Variants in GFRA3 observed in about 807,000 individuals in gnomAD.
The protein encoded by GFRA3 is GDNF family receptor alpha 3.
In GFRA3, 24 loss-of-function variants were observed where a neutral mutation model predicts 40.0. The ratio of observed to expected loss-of-function variants is 0.60; its 90% CI spans 0.43 to 0.84. The LOEUF (loss-of-function observed/expected upper bound fraction) is 0.84, where lower values mean the gene tolerates loss of function less well. GFRA3 is among the 40% of genes least tolerant of loss of function. GFRA3 has a pLI of 0.00. For missense variants in GFRA3, 405 were observed against 530.6 expected, an observed-to-expected ratio of 0.76 and a Z score of 2.33; for synonymous variants, 203 against 213.5, an observed-to-expected ratio of 0.95 and a Z score of 0.43.
chr5:138,255,862 T>C (rs967945610), intron 4 of GFRA3, among the ~76,000 whole-genome samples: 1 of 147,430 alleles, frequency 6.8e-6, no homozygotes, highest in African/African-American at 2.5e-5. Flanking sequence ...ATCACAACAC[T>C]GCCCTCCAGC....
intron 1 of GFRA3, among the ~76,000 whole-genome samples, chr5:138,268,055 C>T (rs958869294): frequency 2.6e-5 from 4 of 151,820 alleles, no homozygotes; most frequent in South Asian, 2.1e-4. Flanking sequence ...GAGGCCAAGG[C>T]GGGTGGATTA....
chr5:138,267,462 G>A (rs927115025), intron 1 of GFRA3: 2 of 152,754 alleles, frequency 1.3e-5, no homozygotes, highest in East Asian at 3.8e-4. Context: ...AAAGTGCTGG[G>A]ATTACAGGCA....
chr5:138,269,711 C>G (rs1293747157), intron 1 of GFRA3, among the ~76,000 whole-genome samples: 1 of 151,064 alleles, frequency 6.6e-6, no homozygotes, highest in African/African-American at 2.4e-5. Context: ...GGCGTGGTGG[C>G]GTGTGCCTAT....
chr5:138,260,346 A>G lies in GFRA3; in HGVS notation c.380-697T>C, dbSNP rs2126614590. On this transcript the variant is annotated intron_variant, in intron 2 of 7. Transcript: ENST00000274721. Reference sequence around the variant, plus strand: ...CCAGTGAAGAAGACAAGTAGAACAGAGACAAGGCCAACTCATAGAAGCCTC... The same window carrying G: ...CCAGTGAAGAAGACAAGTAGAACAGGGACAAGGCCAACTCATAGAAGCCTC... 2.6e-5 allele frequency among the ~76,000 whole-genome samples: 4 copies of G among 152,354 alleles called. No homozygotes were observed. In the South Asian group the frequency reaches 8.3e-4, roughly 32 times the overall value.
chr5:138,262,636 T>G (rs1027175997), intron 2 of GFRA3, among the ~76,000 whole-genome samples: 1 of 152,074 alleles, frequency 6.6e-6, no homozygotes, highest in African/African-American at 2.4e-5. Context: ...TATTTTTTTG[T>G]AGTGATGGGA....
intron 2 of GFRA3, 109 bp from the exon 3 acceptor site, chr5:138,259,758 C>T (rs1049469113): frequency 2.7e-6 from 2 of 742,358 alleles, no homozygotes; most frequent in Admixed American, 1.9e-5. Flanking sequence ...AAAGGAAAAG[C>T]ACAGCCTCTA....
At chr5:138,268,914 G>A in intron 1 of GFRA3, among the ~76,000 whole-genome samples, 1 of 125,616 alleles carries the variant, frequency 8.0e-6, no homozygotes, top group African/African-American at 2.9e-5. Context: ...GACAGAGCAA[G>A]ACTCCATCTC....
intron 1 of GFRA3, among the ~76,000 whole-genome samples, chr5:138,264,807 G>A (rs934239074): frequency 5.3e-5 from 8 of 152,166 alleles, no homozygotes; most frequent in Non-Finnish European, 1.0e-4. Flanking sequence ...CAGCCTTCAG[G>A]GAGGTGAAGG....
In GFRA3 at chr5:138,271,968, T is replaced by G. The variant is rs575266054; in HGVS notation, c.91+2366A>C. Among the ~76,000 whole-genome samples, 17 of 139,558 alleles carry G rather than the reference T, an allele frequency of 1.2e-4. No individual in the cohort carries two copies. In the East Asian group the frequency reaches 3.0e-3, roughly 25 times the overall value. The allele number at this position is 139,558 out of a possible 152,430, so 91.6% of individuals were successfully genotyped here. ...GTGGTTTGGTTGTTTTATTTGTTTG[T>G]TTGGTTGGTTTTTTTTGCACGTTCA... On this transcript the variant is annotated intron_variant, in intron 1 of 7. Transcript: ENST00000274721.
chr5:138,254,171 G>T lies in GFRA3; in HGVS notation c.786-11C>A, dbSNP rs755180171. On this transcript the variant is annotated splice_polypyrimidine_tract_variant and intron_variant, in intron 4 of 7. Transcript: ENST00000274721. Reference sequence around the variant, plus strand: ...TCCACCAGGCGTGATCTGGAAGAAGGGAAATTTCTGTCTTTCTTTTTTTTT... The same window carrying T: ...TCCACCAGGCGTGATCTGGAAGAAGTGAAATTTCTGTCTTTCTTTTTTTTT... The T allele has an allele frequency of 1.2e-5, 18 of 1,491,778 alleles. No individual in the cohort carries two copies. The South Asian group carries it at 1.9e-4, about 16-fold the overall frequency. The allele number at this position is 1,491,778 out of a possible 1,614,324, so 92.4% of individuals were successfully genotyped here. A position where few individuals can be genotyped will look rare whatever the true frequency, so the allele number is the denominator to read the frequency against.
intron 4 of GFRA3, among the ~76,000 whole-genome samples, chr5:138,255,758 G>A (rs1755616852): frequency 6.6e-6 from 1 of 151,948 alleles, no homozygotes; most frequent in Admixed American, 6.6e-5. Flanking sequence ...AATTAGCTGG[G>A]CACTGTGGTG....
rs772736464 is a variant in GFRA3 at position 138,271,892 on chromosome 5, GTTTTTT to G, written c.91+2436_91+2441del. 3.5e-4 allele frequency among the ~76,000 whole-genome samples: 21 copies of G among 59,672 alleles called. No homozygotes were observed. The South Asian group carries it at 3.5e-3, about 10-fold the overall frequency. 39.1% of individuals were successfully genotyped at this position (59,672 alleles called of 152,430 possible). On this transcript the variant is annotated intron_variant, in intron 1 of 7. Transcript: ENST00000274721. ...CATTCCCGGCAGTATTTTCTTTTCT[GTTTTTT>G]TTTTTTTTTTTTTTTTGTGTGTGTG...
chr5:138,268,532 C>G (rs1755821264), intron 1 of GFRA3, among the ~76,000 whole-genome samples: 1 of 151,876 alleles, frequency 6.6e-6, no homozygotes, highest in African/African-American at 2.4e-5. Flanking sequence ...TTTTCACTAT[C>G]TATACATCTG....
intron 1 of GFRA3, among the ~76,000 whole-genome samples, chr5:138,268,991 T>C (rs1363587288): frequency 6.8e-6 from 1 of 146,902 alleles, no homozygotes; most frequent in Admixed American, 6.8e-5. Flanking sequence ...AGGACATGAA[T>C]AGACAATTCT....
chr5:138,259,615 G>T lies in GFRA3; in HGVS notation c.414C>A (p.Asp138Glu). 6.5e-7 allele frequency: 1 copy of T among 1,542,252 alleles called. No individual in the cohort carries two copies. The highest frequency in any genetic ancestry group is 9.0e-7 in the Non-Finnish European group (1 of 1,114,490). The change falls in exon 3 of 8, where the codon GAC becomes GAA. Residue 138 changes from aspartate (D) to glutamate (E), a missense_variant. Asp to Glu is a conservative substitution (Grantham distance 45). Transcript: ENST00000274721. The stretch of plus-strand genomic sequence containing the variant: ...TTTTCCAGGGTTTGCTGGTCACTGT[G>T]TCTTCATAGGGGGAGACATCCAGCT... ...NYELDVSPYE[D>E]TVTSKPWKMN...
chr5:138,258,314 G>A (rs907348498), intron 3 of GFRA3, among the ~76,000 whole-genome samples: 1 of 151,260 alleles, frequency 6.6e-6, no homozygotes, highest in African/African-American at 2.4e-5. Context: ...CCGAGTAGCT[G>A]GGATTACACG....
At chr5:138,273,178 C>G (rs945244887) in intron 1 of GFRA3, among the ~76,000 whole-genome samples, 10 of 152,052 alleles carry the variant, frequency 6.6e-5, no homozygotes, top group Non-Finnish European at 1.3e-4. Flanking sequence ...TTTAGCAGGC[C>G]CTGAGCAATG....
Position 138,263,126 on chromosome 5 carries a change from C to T in GFRA3, c.379+1135G>A, listed in dbSNP as rs553097257. On this transcript the variant is annotated intron_variant, in intron 2 of 7. Transcript: ENST00000274721. ...GATTACAGGTGCCCACCACCATGCC[C>T]AGCTAATTTTTTGTATTTTTAGTAG... Among the ~76,000 whole-genome samples the T allele has an allele frequency of 3.9e-4, 59 of 152,034 alleles. 1 individual carries two copies. The highest frequency in any genetic ancestry group is 6.9e-4 in the Non-Finnish European group (47 of 68,022).
At chr5:138,262,436 G>A (rs1272485228) in intron 2 of GFRA3, among the ~76,000 whole-genome samples, 1 of 152,132 alleles carries the variant, frequency 6.6e-6, no homozygotes, top group East Asian at 1.9e-4. Context: ...AATGTCTGCT[G>A]TGTGTCTCCC....
Sources: gnomAD v4.1 joint callset for allele counts (sites outside exome capture counted in the v4.1 genomes callset) on GRCh38, gnomAD v4.1.1 for gene constraint, MANE v1.5 for transcripts, NCBI Gene and HGNC (gene_info 2026-07-23, HGNC 2026-07-21) for gene names.